The following PUM1 variants were observed in gnomAD, a reference collection of about 807,000 sequenced individuals.
PUM1 encodes the protein pumilio homolog 1.
Under a neutral mutation model 131.8 loss-of-function variants are expected in PUM1, and 13 were observed. The ratio of observed to expected loss-of-function variants is 0.10; its 90% CI spans 0.06 to 0.16. The LOEUF (loss-of-function observed/expected upper bound fraction) is 0.16. PUM1 is among the 10% of genes least tolerant of loss of function. The pLI, the probability that PUM1 is intolerant of heterozygous loss-of-function variation, is 1.00. For synonymous variants in PUM1, 509 were observed against 556.5 expected (o/e 0.91, Z 1.20); for missense variants, 961 against 1,512.4 (o/e 0.64, Z 6.05).
chr1:30,935,740 T>C (rs1418673747), intron 21 of PUM1: 1 of 444,546 alleles, frequency 2.2e-6, no homozygotes, highest in South Asian at 1.6e-5. Flanking sequence ...CGAACTTTGT[T>C]CTCAGTGAGG....
At chr1:30,963,755 G>A (rs993329022) in intron 14 of PUM1, among the ~76,000 whole-genome samples, 2 of 152,026 alleles carry the variant, frequency 1.3e-5, no homozygotes, top group African/African-American at 4.8e-5. Flanking sequence ...GATTTGCCCA[G>A]GACAGTCCTG....
chr1:31,059,677 A>T, intron 1 of PUM1, 100 bp from the exon 2 acceptor site: 1 of 1,391,002 alleles, frequency 7.2e-7, no homozygotes, highest in Non-Finnish European at 9.7e-7. Context: ...ACAATAAATA[A>T]ATGTCGTTGG....
chr1:30,976,990 G>T lies in PUM1; in HGVS notation c.1355-2188C>A, dbSNP rs568792012. Among the ~76,000 whole-genome samples the T allele has an allele frequency of 1.8e-4, 27 of 152,320 alleles. No individual in the cohort carries two copies. The East Asian group carries it at 3.5e-3, about 20-fold the overall frequency. ...CCTCACCTGTAAAAATGGGTAAACAGGTAGAGTGTTCCTTAACCAGAGTGC... is the reference window on the plus strand; with the variant it reads ...CCTCACCTGTAAAAATGGGTAAACATGTAGAGTGTTCCTTAACCAGAGTGC... On this transcript the variant is annotated intron_variant, in intron 9 of 21. Coordinates refer to ENST00000426105, the MANE Select transcript of PUM1 (RefSeq NM_001020658.2).
intron 20 of PUM1, among the ~76,000 whole-genome samples, chr1:30,937,373 G>T (rs1378622575): frequency 2.0e-5 from 3 of 152,140 alleles, no homozygotes. Context: ...GGGCATGGTG[G>T]TGCATGCCTG....
chr1:30,965,889 A>G (rs1161345408), intron 13 of PUM1, 93 bp downstream of exon 13: 20 of 1,340,722 alleles, frequency 1.5e-5, no homozygotes, highest in Non-Finnish European at 2.0e-5. Flanking sequence ...CTTGGTCCAG[A>G]TCTGCCTGTG....
At chr1:31,032,012 A>G (rs1282032872) in intron 2 of PUM1, among the ~76,000 whole-genome samples, 1 of 151,808 alleles carries the variant, frequency 6.6e-6, no homozygotes, top group Non-Finnish European at 1.5e-5. Context: ...CTCTTTCCCT[A>G]TCCCTGTATA....
At chr1:31,001,505 G>C (rs1182906638) in intron 5 of PUM1, among the ~76,000 whole-genome samples, 1 of 152,156 alleles carries the variant, frequency 6.6e-6, no homozygotes, top group Non-Finnish European at 1.5e-5. Flanking sequence ...GTATGGCACA[G>C]TTGAAAGCAA....
intron 10 of PUM1, among the ~76,000 whole-genome samples, chr1:30,969,199 G>A (rs933862379): frequency 2.6e-5 from 4 of 151,546 alleles, no homozygotes; most frequent in South Asian, 2.1e-4. Context: ...AGCTACGAGA[G>A]AGGATGAGGC....
intron 3 of PUM1, among the ~76,000 whole-genome samples, chr1:31,013,837 G>C (rs1484480179): frequency 6.6e-6 from 1 of 152,170 alleles, no homozygotes; most frequent in Admixed American, 6.5e-5. Context: ...GAAATCAAGT[G>C]AGATAGTATA....
At chr1:31,065,481 C>T in intron 1 of PUM1, 135 bp downstream of exon 1, 1 of 1,095,428 alleles carries the variant, frequency 9.1e-7, no homozygotes, top group South Asian at 1.6e-5. Flanking sequence ...AGTGAGAAGC[C>T]TCAGCCAGGG....
intron 2 of PUM1, among the ~76,000 whole-genome samples, chr1:31,057,972 T>C (rs1644284153): frequency 6.6e-6 from 1 of 152,168 alleles, no homozygotes; most frequent in Non-Finnish European, 1.5e-5. Context: ...TCTAATCTTT[T>C]GGTTGGTCAT....
intron 2 of PUM1, among the ~76,000 whole-genome samples, chr1:31,038,984 A>ATATATATATATATTTTTTTTT: frequency 2.0e-4 from 10 of 49,412 alleles, no homozygotes; most frequent in East Asian, 6.7e-4. Context: ...ATATATATAT[A>ATATATATATATATTTTTTTTT]TTTTTTTTTT....
chr1:31,056,093 C>T (rs1416020996), intron 2 of PUM1, among the ~76,000 whole-genome samples: 1 of 152,134 alleles, frequency 6.6e-6, no homozygotes, highest in Non-Finnish European at 1.5e-5. Context: ...GAGCTGCCTA[C>T]AGTATACACC....
At chr1:31,024,909 C>T (rs574606556) in intron 3 of PUM1, among the ~76,000 whole-genome samples, 1 of 152,336 alleles carries the variant, frequency 6.6e-6, no homozygotes, top group South Asian at 2.1e-4. Context: ...TTCCTCTCTA[C>T]TACAAACATC....
intron 15 of PUM1, among the ~76,000 whole-genome samples, chr1:30,953,279 C>A (rs141329625): frequency 7.2e-5 from 11 of 152,268 alleles, no homozygotes; most frequent in Admixed American, 6.5e-4. Flanking sequence ...TATGCTCTAT[C>A]CCCAGGACCA....
At chr1:31,033,429 A>T (rs1326857899) in intron 2 of PUM1, among the ~76,000 whole-genome samples, 1 of 127,284 alleles carries the variant, frequency 7.9e-6, no homozygotes, top group African/African-American at 3.0e-5. Context: ...TCTGTCGCCC[A>T]GGCCGGACTG....
rs1181808790 is a variant in PUM1 at position 31,059,286 on chromosome 1, C to G, written c.281G>C (p.Gly94Ala). 3.1e-6 allele frequency: 5 copies of G among 1,614,136 alleles called. No individual in the cohort carries two copies. Among genetic ancestry groups the G allele is most frequent in the Non-Finnish European group, 4.2e-6 (5 of 1,180,028 alleles). ...FFQRQHGEQL[G>A]GGGSGGGGYN... ...GCCGCCTCCTCCACTTCCTCCTCCC[C>G]CAAGCTGCTCACCATGCTGCCTCTG... The change falls in exon 2 of 22, where the codon GGG becomes GCG. Residue 94 changes from glycine to alanine, a missense_variant. Gly to Ala is a moderately conservative substitution (Grantham distance 60). Around this residue, in one of 4 missense-constraint regions of PUM1, gnomAD observed 654 missense variants for 923.9 expected, o/e 0.71. Transcript: ENST00000426105.
chr1:30,979,978 T>A (rs1168283384), intron 9 of PUM1, 84 bp downstream of exon 9: 4 of 913,244 alleles, frequency 4.4e-6, no homozygotes, highest in Non-Finnish European at 6.5e-6. Flanking sequence ...GACATGGATT[T>A]GGGAAAGAGT....
At chr1:31,063,627 A>T (rs895731664) in intron 1 of PUM1, among the ~76,000 whole-genome samples, 4 of 152,236 alleles carry the variant, frequency 2.6e-5, no homozygotes, top group Non-Finnish European at 4.4e-5. Context: ...AAAAATTTTT[A>T]AAAGAAAAAA....
Sources: gnomAD v4.1 joint callset for allele counts (sites outside exome capture counted in the v4.1 genomes callset) on GRCh38, gnomAD v4.1.1 for gene constraint, gnomAD v4.1.1 regional missense constraint, MANE v1.5 for transcripts, NCBI Gene and HGNC (gene_info 2026-07-23, HGNC 2026-07-21) for gene names.